Variants in CRB1 observed in about 807,000 individuals in gnomAD.
CRB1 encodes the protein protein crumbs homolog 1.
In CRB1, 83 loss-of-function variants were observed where a neutral mutation model predicts 120.0. That is an observed-to-expected ratio of 0.69 (90% CI 0.58 to 0.83). CRB1 has a LOEUF of 0.83. Ranked by LOEUF, CRB1 falls within the 40% of genes least tolerant of loss-of-function variation. The pLI is 0.00. For synonymous variants in CRB1, 625 were observed against 612.5 expected, an observed-to-expected ratio of 1.02 and a Z score of -0.30; for missense variants, 1,699 against 1,687.6, an observed-to-expected ratio of 1.01 and a Z score of -0.12.
At chr1:197,434,644 C>A (rs552542139) in intron 8 of CRB1, 62 bp from the exon 9 acceptor site, 26 of 1,388,558 alleles carry the variant, frequency 1.9e-5, no homozygotes, top group Non-Finnish European at 2.5e-5. Context: ...CTATTAATAA[C>A]GGTAATTAAG....
intron 1 of CRB1, among the ~76,000 whole-genome samples, chr1:197,319,661 CTCTT>C (rs1276328741): frequency 2.0e-5 from 3 of 152,014 alleles, no homozygotes; most frequent in South Asian, 4.2e-4. Context: ...CATCATTTCT[CTCTT>C]TCTTTTTTTT....
At chr1:197,475,929 A>T (rs1230324632) in intron 11 of CRB1, among the ~76,000 whole-genome samples, 1 of 151,998 alleles carries the variant, frequency 6.6e-6, no homozygotes, top group Admixed American at 6.6e-5. Flanking sequence ...TTTTGTTTTG[A>T]GACAGAGTTT....
At chr1:197,386,482 T>C (rs1384290233) in intron 5 of CRB1, among the ~76,000 whole-genome samples, 2 of 152,186 alleles carry the variant, frequency 1.3e-5, no homozygotes, top group Admixed American at 1.3e-4. Flanking sequence ...TAAAAGTCCC[T>C]GCATCTCTGC....
chr1:197,286,336 T>G (rs1183209253), intron 1 of CRB1, among the ~76,000 whole-genome samples: 2 of 151,900 alleles, frequency 1.3e-5, no homozygotes, highest in East Asian at 3.9e-4. Flanking sequence ...GCAATGTACC[T>G]GTTATCTATA....
At chr1:197,282,007 T>C (rs1260580031) in intron 1 of CRB1, among the ~76,000 whole-genome samples, 1 of 151,434 alleles carries the variant, frequency 6.6e-6, no homozygotes. Flanking sequence ...TATAAAATAT[T>C]AACTTGCTGC....
chr1:197,354,600 C>T (rs757598454), intron 4 of CRB1, among the ~76,000 whole-genome samples: 2 of 152,102 alleles, frequency 1.3e-5, no homozygotes, highest in African/African-American at 4.8e-5. Flanking sequence ...TTTATTCCTC[C>T]TGGAGGGTTC....
At chr1:197,354,461 C>G (rs914149455) in intron 4 of CRB1, among the ~76,000 whole-genome samples, 2 of 152,050 alleles carry the variant, frequency 1.3e-5, no homozygotes, top group African/African-American at 4.8e-5. Context: ...TTCTGATGTT[C>G]GGACGTGTTC....
In CRB1 at chr1:197,447,847, C is replaced by T. The variant is rs543519577; in HGVS notation, c.4005+5555C>T. 6.4e-5 allele frequency among the ~76,000 whole-genome samples: 9 copies of T among 141,336 alleles called. No individual in the cohort carries two copies. In the East Asian group the frequency reaches 1.8e-3, roughly 29 times the overall value. 92.7% of individuals were successfully genotyped at this position (141,336 alleles called of 152,430 possible). On this transcript the variant is annotated intron_variant, in intron 11 of 11. Transcript: ENST00000367400. ...CCAGCCTGGGCAACAGAGCAAGAAC[C>T]TGTCTCAAAAAAAAAAAAAAAAAAA... is the stretch of plus-strand genomic sequence containing the variant.
At chr1:197,361,771 A>ATTT (rs1558082304) in intron 5 of CRB1, among the ~76,000 whole-genome samples, 3 of 151,500 alleles carry the variant, frequency 2.0e-5, no homozygotes, top group African/African-American at 7.3e-5. Context: ...ATTTTTTTTA[A>ATTT]AAAAATAGCT....
At chr1:197,411,476 T>A (rs548027038) in intron 5 of CRB1, among the ~76,000 whole-genome samples, 1 of 152,288 alleles carries the variant, frequency 6.6e-6, no homozygotes, top group South Asian at 2.1e-4. Flanking sequence ...TTCTATCCAG[T>A]TTTGTGGTTT....
chr1:197,476,478 A>G (rs1667203897), intron 11 of CRB1, among the ~76,000 whole-genome samples: 1 of 151,660 alleles, frequency 6.6e-6, no homozygotes, highest in African/African-American at 2.4e-5. Flanking sequence ...TTCATTTCCT[A>G]GCTCAGTAAA....
the CRB1 span, among the ~76,000 whole-genome samples, chr1:197,244,754 T>G: frequency 7.2e-5 from 11 of 151,884 alleles, no homozygotes; most frequent in African/African-American, 2.7e-4. Context: ...TTTTTTTTTC[T>G]TTTTTGGTCT....
intron 1 of CRB1, among the ~76,000 whole-genome samples, chr1:197,280,114 G>C (rs947997422): frequency 6.6e-6 from 1 of 151,580 alleles, no homozygotes; most frequent in African/African-American, 2.4e-5. Context: ...CATATCACAC[G>C]GTCAGAATTT....
chr1:197,345,073 T>C (rs564237187), intron 3 of CRB1, among the ~76,000 whole-genome samples: 4 of 152,238 alleles, frequency 2.6e-5, no homozygotes, highest in Non-Finnish European at 5.9e-5. Context: ...ATGATGAATA[T>C]AATAAATGTG....
upstream of CRB1, among the ~76,000 whole-genome samples, chr1:197,264,474 T>C (rs1296127199): frequency 2.0e-5 from 3 of 152,210 alleles, no homozygotes; most frequent in East Asian, 5.8e-4. Context: ...ATTCCTTTTC[T>C]TTTGGGTAGC....
chr1:197,278,840 G>A (rs1195801442), intron 1 of CRB1, among the ~76,000 whole-genome samples: 5 of 151,838 alleles, frequency 3.3e-5, no homozygotes, highest in South Asian at 2.1e-4. Context: ...GTTAAAATGA[G>A]CAAGGTCCAC....
At chr1:197,238,761 T>C in the CRB1 span, among the ~76,000 whole-genome samples, 1 of 152,044 alleles carries the variant, frequency 6.6e-6, no homozygotes, top group South Asian at 2.1e-4. Flanking sequence ...GGAGAATCAT[T>C]TGAACCCAGG....
chr1:197,224,040 G>A, the CRB1 span, among the ~76,000 whole-genome samples: 1 of 152,058 alleles, frequency 6.6e-6, no homozygotes, highest in Non-Finnish European at 1.5e-5. Flanking sequence ...AAGTGGAAGT[G>A]GATGAGTTCT....
the CRB1 span, among the ~76,000 whole-genome samples, chr1:197,214,025 A>T: frequency 6.6e-6 from 1 of 152,150 alleles, no homozygotes; most frequent in Non-Finnish European, 1.5e-5. Flanking sequence ...CAAAAGGAAG[A>T]AAATGATAAA....
Sources: allele counts gnomAD v4.1 joint callset (sites outside exome capture counted in the v4.1 genomes callset), GRCh38; gene constraint gnomAD v4.1.1; transcripts MANE v1.5; gene names NCBI Gene and HGNC (gene_info 2026-07-23, HGNC 2026-07-21).